Variants in LINS1 observed in about 807,000 individuals in gnomAD.
The protein encoded by LINS1 is protein Lines homolog 1.
Under a neutral mutation model 41.6 loss-of-function variants are expected in LINS1, and 27 were observed. The ratio of observed to expected loss-of-function variants is 0.65; its 90% CI spans 0.48 to 0.89. LINS1 has a LOEUF of 0.89. Among genes scored for constraint, LINS1 ranks in the 40% least tolerant of loss-of-function variants. The pLI is 0.00. For missense variants in LINS1, 955 were observed against 884.1 expected (o/e 1.08, Z -1.02); for synonymous variants, 336 against 312.9 (o/e 1.07, Z -0.78).
intron 1 of LINS1, among the ~76,000 whole-genome samples, chr15:100,594,299 G>T (rs2039156430): frequency 6.6e-6 from 1 of 152,130 alleles, no homozygotes; most frequent in South Asian, 2.1e-4. Context: ...GATCCAGAGG[G>T]CCGACTATAG....
At chr15:100,586,980 A>T (rs1596945343) in intron 1 of LINS1, among the ~76,000 whole-genome samples, 1 of 151,802 alleles carries the variant, frequency 6.6e-6, no homozygotes, top group Non-Finnish European at 1.5e-5. Context: ...CCAAAATGGT[A>T]AAACCCTGTC....
intron 4 of LINS1, among the ~76,000 whole-genome samples, chr15:100,574,446 A>G (rs932643707): frequency 3.3e-5 from 5 of 152,218 alleles, no homozygotes; most frequent in African/African-American, 1.2e-4. Context: ...GGTGGCTCAC[A>G]ACTGTAATCC....
chr15:100,584,279 TA>T (rs35919582), intron 1 of LINS1, among the ~76,000 whole-genome samples: 24,567 of 152,212 alleles, frequency 0.16, 2,312 homozygotes, highest in South Asian at 0.21. Flanking sequence ...GCAATAAAAA[TA>T]CTTCCAATAA....
chr15:100,580,793 A>G lies in LINS1; in HGVS notation c.50T>C (p.Leu17Pro), dbSNP rs2141310035. 2.5e-6 allele frequency: 4 copies of G among 1,610,808 alleles called. No homozygotes were observed. The highest frequency in any genetic ancestry group is 3.4e-6 in the Non-Finnish European group (4 of 1,177,978). Residue 17 changes from leucine (L) to proline (P), a missense_variant, in exon 2 of 7, where the codon CTT becomes CCT. By Grantham distance (98) the Leu-to-Pro change is moderately conservative (BLOSUM62 -3). Coordinates refer to ENST00000314742, the MANE Select transcript of LINS1 (RefSeq NM_001040616.3). ...VLEELYKKVLLGATLENDSHD... is the reference protein window; with the variant it reads ...VLEELYKKVLPGATLENDSHD... Reference sequence around the variant, plus strand: ...GCTGTCATTTTCAAGTGTGGCTCCAAGAAGTACCTTCTTGTATAACTCTTC... The same window carrying G: ...GCTGTCATTTTCAAGTGTGGCTCCAGGAAGTACCTTCTTGTATAACTCTTC...
intron 3 of LINS1, among the ~76,000 whole-genome samples, chr15:100,576,202 C>G (rs1052354703): frequency 7.2e-5 from 11 of 151,990 alleles, no homozygotes; most frequent in African/African-American, 2.4e-4. Context: ...GATAGAGACA[C>G]AAAAAACCCT....
intron 1 of LINS1, among the ~76,000 whole-genome samples, chr15:100,600,551 C>CAATAAAAAAAAAAAAAA (rs2039436603): frequency 1.3e-5 from 1 of 79,668 alleles, no homozygotes; most frequent in Non-Finnish European, 2.2e-5. Flanking sequence ...TGCTGTTAAG[C>CAATAAAAAAAAAAAAAA]AAAAAAAAAA....
intron 1 of LINS1, among the ~76,000 whole-genome samples, chr15:100,596,175 G>A (rs763307273): frequency 1.4e-4 from 22 of 152,036 alleles, no homozygotes; most frequent in Non-Finnish European, 2.9e-4. Flanking sequence ...GGGTGCTGGC[G>A]GTTACTGGCC....
rs1409344383 is a variant in LINS1, at chr15:100,567,055, A to G, written c.*2183T>C. 2 of 152,056 alleles carry G rather than the reference A, an allele frequency of 1.3e-5. No homozygotes were observed. Among genetic ancestry groups the G allele is most frequent in the African/African-American group, 4.8e-5 (2 of 41,424 alleles). 9.4% of individuals were successfully genotyped at this position (152,056 alleles called of 1,614,324 possible). Reference sequence around the variant, plus strand: ...TGTTCTGAGAAATGAGCTGTAAGGCAATTTTGTTGTCATGTCATGTATGTC... The same window carrying G: ...TGTTCTGAGAAATGAGCTGTAAGGCGATTTTGTTGTCATGTCATGTATGTC... On this transcript the variant is annotated 3_prime_UTR_variant, in exon 7 of 7. Coordinates refer to ENST00000314742, the MANE Select transcript of LINS1 (RefSeq NM_001040616.3).
chr15:100,595,264 A>G (rs2141357381), intron 1 of LINS1, among the ~76,000 whole-genome samples: 1 of 152,332 alleles, frequency 6.6e-6, no homozygotes, highest in East Asian at 1.9e-4. Flanking sequence ...GACAAGCTAC[A>G]GACTTAAAGA....
rs749691963 is a variant in LINS1, at chr15:100,573,949, G to C, written c.924C>G (p.Leu308=). The C allele has an allele frequency of 3.7e-6, 6 of 1,614,100 alleles. No homozygotes were observed. In the African/African-American group the frequency reaches 4.0e-5, roughly 11 times the overall value. The change falls in exon 5 of 7, where the codon CTC becomes CTG. Residue 308 remains leucine (L), a synonymous_variant. Coordinates refer to ENST00000314742, the MANE Select transcript of LINS1 (RefSeq NM_001040616.3). ...GACAGAGGTCTTCACCCACTTTACA[G>C]AGAAGGCACTTTTTGAGGAATATGA... is the stretch of plus-strand genomic sequence containing the variant. ...KVIIFLKKCL[L]CKVGEDLCRG...
chr15:100,595,986 A>G (rs1445073050), intron 1 of LINS1, among the ~76,000 whole-genome samples: 1 of 152,208 alleles, frequency 6.6e-6, no homozygotes, highest in Non-Finnish European at 1.5e-5. Flanking sequence ...CTATTAAAAG[A>G]AGTGGGGCAG....
At chr15:100,599,377 C>T (rs916358663) in intron 1 of LINS1, among the ~76,000 whole-genome samples, 8 of 152,196 alleles carry the variant, frequency 5.3e-5, no homozygotes, top group Non-Finnish European at 1.2e-4. Flanking sequence ...TTCTGTGAAA[C>T]TTTGACAATA....
At chr15:100,576,232 A>G (rs1235546288) in intron 3 of LINS1, among the ~76,000 whole-genome samples, 1 of 152,234 alleles carries the variant, frequency 6.6e-6, no homozygotes, top group South Asian at 2.1e-4. Flanking sequence ...CAATGAATCC[A>G]GGAGCTGGTT....
At chr15:100,571,335 T>C (rs1169132889) in intron 6 of LINS1, among the ~76,000 whole-genome samples, 8 of 152,260 alleles carry the variant, frequency 5.3e-5, no homozygotes, top group Non-Finnish European at 1.2e-4. Flanking sequence ...TAACCAATTA[T>C]AGATATTTGC....
At chr15:100,575,811 C>T (rs1338243539) in intron 3 of LINS1, among the ~76,000 whole-genome samples, 4 of 152,144 alleles carry the variant, frequency 2.6e-5, no homozygotes, top group East Asian at 3.9e-4. Flanking sequence ...GAACAGAAAT[C>T]ACAACAAACT....
At position 100,575,121 on chromosome 15, in the gene LINS1, A is replaced by C; in HGVS notation, c.497T>G (p.Leu166Ter). 6.2e-7 allele frequency: 1 copy of C among 1,611,016 alleles called. No individual in the cohort carries two copies. Among genetic ancestry groups the C allele is most frequent in the Non-Finnish European group, 8.5e-7 (1 of 1,178,830 alleles). ...GCAAAAAGCAATCCAGGAATTACTT[A>C]AGGTTATCTACAAGTGAGAAAATAA... ...LYFQLREKIT[L>*]SNSWIAFCQK... The change falls in exon 4 of 7, where the codon TTA (leucine) becomes TGA (stop). Residue 166 changes from leucine (L) to a stop codon, truncating the protein, a stop_gained. Coordinates refer to ENST00000314742, the MANE Select transcript of LINS1 (RefSeq NM_001040616.3). LOFTEE classifies it high-confidence loss of function.
At chr15:100,571,785 G>A (rs1048268015) in intron 6 of LINS1, 109 bp downstream of exon 6, 17 of 1,295,552 alleles carry the variant, frequency 1.3e-5, no homozygotes, top group Admixed American at 1.8e-5. Context: ...GCAACAGGAT[G>A]TTTTCCCCCA....
chr15:100,569,123 A>C lies in LINS1; in HGVS notation c.*115T>G. On this transcript the variant is annotated 3_prime_UTR_variant, in exon 7 of 7. Coordinates refer to ENST00000314742, the MANE Select transcript of LINS1 (RefSeq NM_001040616.3). ...GAGCGACAGAATGAGATTCTGTCTC[A>C]AAAAAAAAAAAAAAAAAGAAAACCC... 2 of 173,416 alleles carry C rather than the reference A, an allele frequency of 1.2e-5. No individual in the cohort carries two copies. The highest frequency in any genetic ancestry group is 8.1e-6 in the Non-Finnish European group (1 of 123,764). 10.7% of individuals were successfully genotyped at this position (173,416 alleles called of 1,614,324 possible).
At chr15:100,571,835 A>T in intron 6 of LINS1, 59 bp downstream of exon 6, 5 of 1,593,820 alleles carry the variant, frequency 3.1e-6, no homozygotes, top group Non-Finnish European at 4.3e-6. Flanking sequence ...CATTCTCAGA[A>T]ATGTTTTCTG....
Sources: allele counts gnomAD v4.1 joint callset (sites outside exome capture counted in the v4.1 genomes callset), GRCh38; gene constraint gnomAD v4.1.1; transcripts MANE v1.5; gene names NCBI Gene and HGNC (gene_info 2026-07-23, HGNC 2026-07-21).